Variants in MCMBP observed in about 807,000 individuals in gnomAD.
The protein encoded by MCMBP is minichromosome maintenance complex binding protein.
A neutral mutation model predicts 81.3 loss-of-function variants in MCMBP; 31 were observed. That is an observed-to-expected ratio of 0.38 (90% CI 0.29 to 0.51). The LOEUF is 0.51. MCMBP is among the 20% of genes least tolerant of loss of function. The pLI is 0.87. For missense variants in MCMBP, 645 were observed against 772.1 expected (o/e 0.84, Z 1.95); for synonymous variants, 267 against 275.9 (o/e 0.97, Z 0.32).
intron 1 of MCMBP, among the ~76,000 whole-genome samples, chr10:119,866,254 T>C (rs1390161601): frequency 6.6e-6 from 1 of 152,118 alleles, no homozygotes; most frequent in Non-Finnish European, 1.5e-5. Context: ...GGCAGAAGTA[T>C]AGTTGTTGCC....
In MCMBP at chr10:119,872,610, G is replaced by A. The variant is rs775879513; in HGVS notation, c.-26C>T. The A allele has an allele frequency of 1.0e-5, 12 of 1,158,498 alleles. No homozygotes were observed. The highest frequency in any genetic ancestry group is 8.5e-5 in the South Asian group (2 of 23,578). 71.8% of individuals were successfully genotyped at this position (1,158,498 alleles called of 1,614,324 possible). On this transcript the variant is annotated 5_prime_UTR_variant, in exon 1 of 16. Transcript: ENST00000369077. ...CTCGCCAGGGGCCGGGGCCGGCGAA[G>A]ACCGGGCGGAGGCGATCCGCGGGCC...
intron 9 of MCMBP, 197 bp downstream of exon 9, chr10:119,843,057 A>G: frequency 6.7e-6 from 4 of 601,154 alleles, no homozygotes; most frequent in Non-Finnish European, 1.2e-5. Flanking sequence ...CCAGCCTTGT[A>G]TACTCTTTTG....
At chr10:119,858,850 C>G (rs749479094) in intron 4 of MCMBP, 34 bp downstream of exon 4, 11 of 1,483,544 alleles carry the variant, frequency 7.4e-6, no homozygotes, top group Non-Finnish European at 9.2e-6. Context: ...AAAATTCTTA[C>G]TAAAAATGTT....
At chr10:119,848,449 A>G (rs12780051) in intron 7 of MCMBP, among the ~76,000 whole-genome samples, 8,382 of 152,048 alleles carry the variant, frequency 0.055, 427 homozygotes, top group South Asian at 0.27. Context: ...CCATCTCTAC[A>G]AAAAATATAA....
chr10:119,859,319 G>C (rs1853164615), intron 2 of MCMBP, 138 bp from the exon 3 acceptor site: 1 of 698,644 alleles, frequency 1.4e-6, no homozygotes, highest in Non-Finnish European at 2.2e-6. Context: ...TGCCACATCA[G>C]AGAGCCAAAT....
chr10:119,858,991 G>A, intron 3 of MCMBP, 50 bp downstream of exon 3: 1 of 1,610,974 alleles, frequency 6.2e-7, no homozygotes, highest in South Asian at 1.1e-5. Flanking sequence ...ACCACCAACA[G>A]TAAAAGGACA....
intron 14 of MCMBP, among the ~76,000 whole-genome samples, chr10:119,834,460 A>G (rs542514761): frequency 6.6e-6 from 1 of 152,268 alleles, no homozygotes; most frequent in Non-Finnish European, 1.5e-5. Context: ...ACTATAAACC[A>G]AGAATTCTAC....
chr10:119,859,581 TAAC>T (rs1456660076), intron 2 of MCMBP, among the ~76,000 whole-genome samples: 2 of 152,116 alleles, frequency 1.3e-5, no homozygotes, highest in African/African-American at 4.8e-5. Context: ...TCTCAGGAAG[TAAC>T]AGTCAGTTAC....
chr10:119,866,977 C>T (rs1471328280), intron 1 of MCMBP, among the ~76,000 whole-genome samples: 1 of 147,736 alleles, frequency 6.8e-6, no homozygotes, highest in Non-Finnish European at 1.5e-5. Flanking sequence ...AAAAAAACCT[C>T]TAAAAGCAAA....
Position 119,840,252 on chromosome 10 carries a change from G to A in MCMBP, c.1242+591C>T, listed in dbSNP as rs576755603. On this transcript the variant is annotated intron_variant, in intron 11 of 15. Transcript: ENST00000369077. ...ACTTCTGCTTCTTGAGGGCCTGGAC[G>A]AGTGTTAGCACTGAGACACTGAATA... Among the ~76,000 whole-genome samples, 7 of 152,258 alleles carry A rather than the reference G, an allele frequency of 4.6e-5. No individual in the cohort carries two copies. In the South Asian group the frequency reaches 1.2e-3, roughly 27 times the overall value.
chr10:119,872,319 G>A (rs1486658758), intron 1 of MCMBP, among the ~76,000 whole-genome samples: 2 of 152,032 alleles, frequency 1.3e-5, no homozygotes, highest in African/African-American at 4.8e-5. Context: ...GGGCAGGTGG[G>A]AGGTACCTGC....
chr10:119,835,689 G>C lies in MCMBP; in HGVS notation c.1558C>G (p.His520Asp), dbSNP rs527650891. The change falls in exon 14 of 16, where the codon CAC becomes GAC. Residue 520 changes from histidine to aspartate, a missense_variant. Transcript: ENST00000369077. ...RSLLPADCQI[H>D]LQPQLIPPNM... ...GGTGGAATTAGCTGGGGCTGTAAGTGAATCTGGCAGTCTGCCTGAAAAGAG... is the reference window on the plus strand; with the variant it reads ...GGTGGAATTAGCTGGGGCTGTAAGTCAATCTGGCAGTCTGCCTGAAAAGAG... 1.9e-6 allele frequency: 3 copies of C among 1,614,206 alleles called. No homozygotes were observed. Among genetic ancestry groups the C allele is most frequent in the Non-Finnish European group, 1.7e-6 (2 of 1,180,028 alleles).
chr10:119,858,968 C>G, intron 3 of MCMBP, 43 bp from the exon 4 acceptor site: 1 of 1,609,934 alleles, frequency 6.2e-7, no homozygotes. Flanking sequence ...ATCAATATAT[C>G]TGAACCAAAA....
intron 14 of MCMBP, among the ~76,000 whole-genome samples, chr10:119,833,891 A>T (rs927466702): frequency 2.6e-5 from 4 of 152,188 alleles, no homozygotes; most frequent in South Asian, 2.1e-4. Context: ...GAGAGTATCA[A>T]TAAAAAGAGA....
intron 1 of MCMBP, 140 bp from the exon 2 acceptor site, chr10:119,860,024 G>A: frequency 3.2e-6 from 2 of 617,760 alleles, no homozygotes; most frequent in African/African-American, 1.8e-5. Context: ...TTTTTAGATA[G>A]GGTGTATTTT....
chr10:119,873,002 G>A (rs557111275), upstream of MCMBP, among the ~76,000 whole-genome samples: 83 of 152,042 alleles, frequency 5.5e-4, no homozygotes, highest in African/African-American at 1.9e-3. Context: ...GGAAGGGCAC[G>A]CAGCGCCGCT....
In MCMBP at chr10:119,830,417, G is replaced by A. The variant is rs1004526954; in HGVS notation, c.*1057C>T. On this transcript the variant is annotated 3_prime_UTR_variant, in exon 16 of 16. Transcript: ENST00000369077. ...GCAGTTGTACGAGGCTGTTACTGGA[G>A]TAGCAGATGTTAGCTGATCTAACAT... The A allele has an allele frequency of 6.6e-6, 1 of 152,210 alleles. No homozygotes were observed. The highest frequency in any genetic ancestry group is 2.1e-4 in the South Asian group (1 of 4,832). The allele number at this position is 152,210 out of a possible 1,614,324, so 9.4% of individuals were successfully genotyped here.
At chr10:119,838,136 CT>C (rs1852311143) in intron 12 of MCMBP, among the ~76,000 whole-genome samples, 1 of 151,590 alleles carries the variant, frequency 6.6e-6, no homozygotes, top group African/African-American at 2.4e-5. Flanking sequence ...CCAAAGAACC[CT>C]TACGACCCTC....
intron 11 of MCMBP, 121 bp from the exon 12 acceptor site, chr10:119,838,821 G>C: frequency 1.2e-6 from 1 of 826,896 alleles, no homozygotes. Context: ...TTCTAAGGGA[G>C]TAGTGATATG....
Sources: allele counts gnomAD v4.1 joint callset (sites outside exome capture counted in the v4.1 genomes callset), GRCh38; gene constraint gnomAD v4.1.1; transcripts MANE v1.5; gene names NCBI Gene and HGNC (gene_info 2026-07-23, HGNC 2026-07-21).